DPRX: variants seen among roughly 807,000 people sequenced by gnomAD.
DPRX encodes the protein divergent paired-related homeobox.
DPRX carries 11 observed loss-of-function variants against 8.4 expected under a neutral mutation model. That is an observed-to-expected ratio of 1.31 (90% confidence interval 0.82 to 2.17). The LOEUF is 2.17. DPRX is among the 30% of genes most tolerant of loss of function. The pLI, the probability that DPRX is intolerant of heterozygous loss-of-function variation, is 0.00. For missense variants in DPRX, 211 were observed against 236.7 expected, an observed-to-expected ratio of 0.89 and a Z score of 0.71; for synonymous variants, 72 against 87.0, an observed-to-expected ratio of 0.83 and a Z score of 0.96.
At chr19:53,608,991 AAG>A in the DPRX span, among the ~76,000 whole-genome samples, 37 of 108,854 alleles carry the variant, frequency 3.4e-4, no homozygotes, top group South Asian at 1.1e-3. Context: ...AAAAGAAAGA[AAG>A]AGAAAGAAAG....
chr19:53,605,847 T>G, the DPRX span, among the ~76,000 whole-genome samples: 1 of 151,522 alleles, frequency 6.6e-6, no homozygotes, highest in Non-Finnish European at 1.5e-5. Flanking sequence ...TTTTTAATTT[T>G]TGTTGAGATG....
the DPRX span, among the ~76,000 whole-genome samples, chr19:53,612,071 G>A: frequency 6.6e-6 from 1 of 151,046 alleles, no homozygotes; most frequent in Non-Finnish European, 1.5e-5. Flanking sequence ...GTGACAGAGC[G>A]AGACTCCACC....
chr19:53,618,375 A>C, the DPRX span, among the ~76,000 whole-genome samples: 3 of 152,120 alleles, frequency 2.0e-5, no homozygotes, highest in Middle Eastern at 3.4e-3. Flanking sequence ...GTGTGATGGT[A>C]GATTATTTCA....
chr19:53,618,722 AC>A, the DPRX span, among the ~76,000 whole-genome samples: 1 of 145,314 alleles, frequency 6.9e-6, no homozygotes, highest in Non-Finnish European at 1.5e-5. Context: ...TTGCTCTGTC[AC>A]CCAGGCTGGA....
At chr19:53,633,957 GA>G (rs2091102608) in intron 1 of DPRX, among the ~76,000 whole-genome samples, 2 of 152,128 alleles carry the variant, frequency 1.3e-5, no homozygotes, top group Admixed American at 1.3e-4. Context: ...AATGATAACA[GA>G]AAAAAAGGAT....
chr19:53,614,682 G>T, the DPRX span, among the ~76,000 whole-genome samples: 19 of 151,866 alleles, frequency 1.3e-4, no homozygotes, highest in African/African-American at 3.6e-4. Flanking sequence ...AAAATTTTTG[G>T]GTCCTATCTA....
chr19:53,618,863 G>C, the DPRX span, among the ~76,000 whole-genome samples: 1 of 151,844 alleles, frequency 6.6e-6, no homozygotes, highest in Admixed American at 6.6e-5. Context: ...TGTACTTTTA[G>C]CAGAGACAGG....
the DPRX span, among the ~76,000 whole-genome samples, chr19:53,610,151 C>A: frequency 1.3e-3 from 99 of 77,684 alleles, no homozygotes; most frequent in African/African-American, 1.5e-3. Context: ...AACTGTGTCT[C>A]AAAAAAAAAA....
chr19:53,615,609 G>A, the DPRX span, among the ~76,000 whole-genome samples: 1 of 151,956 alleles, frequency 6.6e-6, no homozygotes, highest in African/African-American at 2.4e-5. Context: ...AAGAATGTAT[G>A]AAGATTCAGA....
At chr19:53,636,103 C>G (rs1356549617) in intron 2 of DPRX, among the ~76,000 whole-genome samples, 1 of 152,144 alleles carries the variant, frequency 6.6e-6, no homozygotes, top group Non-Finnish European at 1.5e-5. Flanking sequence ...TATGGTGGCT[C>G]ATGCCTGTAA....
At chr19:53,605,052 G>A in the DPRX span, among the ~76,000 whole-genome samples, 1 of 152,058 alleles carries the variant, frequency 6.6e-6, no homozygotes, top group Non-Finnish European at 1.5e-5. Flanking sequence ...AGGGGCTCAT[G>A]CCTGTAATCT....
the DPRX span, among the ~76,000 whole-genome samples, chr19:53,621,989 G>A: frequency 1.3e-5 from 2 of 152,006 alleles, no homozygotes; most frequent in Non-Finnish European, 2.9e-5. Context: ...CTCATGGTGG[G>A]CCAGTACTTC....
At chr19:53,608,953 C>CAAAAAAAAA in the DPRX span, among the ~76,000 whole-genome samples, 7 of 76,928 alleles carry the variant, frequency 9.1e-5, no homozygotes, top group African/African-American at 1.1e-4. Flanking sequence ...GAGACTCCGT[C>CAAAAAAAAA]AAAAAAAAAA....
the DPRX span, among the ~76,000 whole-genome samples, chr19:53,603,075 G>A: frequency 1.3e-5 from 2 of 150,750 alleles, no homozygotes; most frequent in African/African-American, 4.9e-5. Context: ...TTTTTGAGAT[G>A]GGATCTCGCC....
chr19:53,620,487 T>C, the DPRX span, among the ~76,000 whole-genome samples: 2 of 151,904 alleles, frequency 1.3e-5, no homozygotes, highest in South Asian at 4.2e-4. Context: ...CTCAGCCTCC[T>C]GAGCAGCTGG....
At chr19:53,617,388 A>C in the DPRX span, 2 of 432,612 alleles carry the variant, frequency 4.6e-6, no homozygotes, top group Non-Finnish European at 8.6e-6. Flanking sequence ...GTAAAACCCC[A>C]TCCCTACTAC....
upstream of DPRX, among the ~76,000 whole-genome samples, chr19:53,627,177 C>G (rs114649850): frequency 6.5e-4 from 99 of 152,184 alleles, no homozygotes; most frequent in African/African-American, 2.2e-3. Flanking sequence ...GGAGTGAAGC[C>G]GAAGGCATTT....
the DPRX span, among the ~76,000 whole-genome samples, chr19:53,609,868 C>T: frequency 6.6e-6 from 1 of 151,926 alleles, no homozygotes; most frequent in Non-Finnish European, 1.5e-5. Flanking sequence ...ACCTATAGTC[C>T]CAGGTACTTG....
At chr19:53,619,449 C>A in the DPRX span, among the ~76,000 whole-genome samples, 1 of 151,976 alleles carries the variant, frequency 6.6e-6, no homozygotes, top group African/African-American at 2.4e-5. Context: ...CCGAGACGGG[C>A]GGATCACCTG....
Sources: allele counts gnomAD v4.1 joint callset (sites outside exome capture counted in the v4.1 genomes callset), GRCh38; gene constraint gnomAD v4.1.1; transcripts MANE v1.5; gene names NCBI Gene and HGNC (gene_info 2026-07-23, HGNC 2026-07-21).